ADGRV1: variants seen among roughly 807,000 people sequenced by gnomAD.
The protein encoded by ADGRV1 is G-protein coupled receptor 98.
In ADGRV1, 359 loss-of-function variants were observed where a neutral mutation model predicts 596.2. The ratio of observed to expected loss-of-function variants is 0.60; its 90% CI spans 0.55 to 0.66. The LOEUF is 0.66. ADGRV1 is among the 30% of genes least tolerant of loss of function. The pLI, the probability that ADGRV1 is intolerant of heterozygous loss-of-function variation, is 0.00. For missense variants in ADGRV1, 7,274 were observed against 7,575.6 expected (o/e 0.96, Z 1.48); for synonymous variants, 2,681 against 2,679.2 (o/e 1.00, Z -0.02).
rs1048954733 is a variant in ADGRV1, at chr5:90,695,708, T to C, written c.7945+1007T>C. Reference sequence around the variant, plus strand: ...GAAACACATAATAATCATTATGTTTTAGAGTAAATTTTAAAAATTGTATAA... The same window carrying C: ...GAAACACATAATAATCATTATGTTTCAGAGTAAATTTTAAAAATTGTATAA... On this transcript the variant is annotated intron_variant, in intron 33 of 89. Transcript: ENST00000405460. Among the ~76,000 whole-genome samples, 14 of 152,244 alleles carry C rather than the reference T, an allele frequency of 9.2e-5. No individual in the cohort carries two copies. In the South Asian group the frequency reaches 2.9e-3, roughly 32 times the overall value.
chr5:90,873,481 T>C (rs1768904520), intron 83 of ADGRV1, among the ~76,000 whole-genome samples: 1 of 152,166 alleles, frequency 6.6e-6, no homozygotes, highest in African/African-American at 2.4e-5. Context: ...ATTCCACAAC[T>C]CCAGAGTGCA....
chr5:90,647,536 A>G lies in ADGRV1; in HGVS notation c.3061A>G (p.Asn1021Asp), dbSNP rs1767964532. Residue 1021 changes from asparagine (N) to aspartate (D), a missense_variant, in exon 17 of 90, where the codon AAC becomes GAC. This residue lies in a region of ADGRV1 where 1,715 missense variants were observed against 1,708.8 expected (regional missense o/e 1.00). Coordinates refer to ENST00000405460, the MANE Select transcript of ADGRV1 (RefSeq NM_032119.4). ...GAGGGTTCAGGAAGGTGAGACTGCC[A>G]ACTTTACAGTTCTCAGAAATGGATC... ...VVRVQEGETANFTVLRNGSVD... is the reference protein window; with the variant it reads ...VVRVQEGETADFTVLRNGSVD... The G allele has an allele frequency of 2.5e-6, 4 of 1,613,716 alleles. No homozygotes were observed. The East Asian group carries it at 8.9e-5, about 36-fold the overall frequency.
At chr5:90,617,773 A>G (rs189161500) in intron 2 of ADGRV1, 31 bp from the exon 3 acceptor site, 7 of 1,559,098 alleles carry the variant, frequency 4.5e-6, no homozygotes, top group African/African-American at 1.4e-5. Context: ...ACTGTGTTAA[A>G]TAAGAATGAT....
intron 83 of ADGRV1, among the ~76,000 whole-genome samples, chr5:90,889,531 G>C (rs1175803075): frequency 6.6e-6 from 1 of 152,004 alleles, no homozygotes; most frequent in East Asian, 1.9e-4. Flanking sequence ...TTGATAGTCT[G>C]TTACAGTAAG....
chr5:90,659,499 C>G (rs930954550), intron 21 of ADGRV1, among the ~76,000 whole-genome samples: 1 of 152,090 alleles, frequency 6.6e-6, no homozygotes, highest in Non-Finnish European at 1.5e-5. Flanking sequence ...CAAATCATGC[C>G]TGGGTAAAAG....
chr5:90,766,166 C>T (rs1231003315), intron 59 of ADGRV1, among the ~76,000 whole-genome samples: 1 of 152,142 alleles, frequency 6.6e-6, no homozygotes, highest in Non-Finnish European at 1.5e-5. Context: ...GCCTTGGCCT[C>T]CCAAAGTGCT....
At chr5:91,044,798 T>C in intron 85 of ADGRV1, among the ~76,000 whole-genome samples, 1 of 152,214 alleles carries the variant, frequency 6.6e-6, no homozygotes, top group East Asian at 1.9e-4. Flanking sequence ...TATGTACCAG[T>C]ATGCTTAGCA....
intron 77 of ADGRV1, among the ~76,000 whole-genome samples, chr5:90,836,440 A>G (rs150621627): frequency 2.0e-5 from 3 of 152,142 alleles, no homozygotes; most frequent in Non-Finnish European, 4.4e-5. Flanking sequence ...TAATCTCCAT[A>G]TAATCATACT....
chr5:90,586,379 T>A (rs940101628), intron 1 of ADGRV1, among the ~76,000 whole-genome samples: 1 of 152,216 alleles, frequency 6.6e-6, no homozygotes, highest in African/African-American at 2.4e-5. Context: ...CTTGAAAATG[T>A]CTTTTTATAG....
At chr5:90,684,582 G>A (rs1342143273) in intron 28 of ADGRV1, among the ~76,000 whole-genome samples, 1 of 152,148 alleles carries the variant, frequency 6.6e-6, no homozygotes, top group Non-Finnish European at 1.5e-5. Context: ...AGGCTGGGAA[G>A]TGCCACGATT....
intron 84 of ADGRV1, among the ~76,000 whole-genome samples, chr5:90,973,121 G>C (rs1189429695): frequency 6.6e-6 from 1 of 152,050 alleles, no homozygotes; most frequent in Non-Finnish European, 1.5e-5. Context: ...ATAAATTCCT[G>C]GACACATACC....
rs1466865825 is a variant in ADGRV1, at chr5:91,024,902, C to T, written c.18152+39380C>T. Among the ~76,000 whole-genome samples, 9 of 152,224 alleles carry T rather than the reference C, an allele frequency of 5.9e-5. No homozygotes were observed. In the East Asian group the frequency reaches 9.7e-4, roughly 16 times the overall value. ...CTACCAAATGAAAAGCATCAAATTG[C>T]GCAGAATGGTGTTCATAGCCAGTGG... On this transcript the variant is annotated intron_variant, in intron 85 of 89. Coordinates refer to ENST00000405460, the MANE Select transcript of ADGRV1 (RefSeq NM_032119.4).
At chr5:91,120,266 A>G (rs2126740800) in intron 87 of ADGRV1, among the ~76,000 whole-genome samples, 1 of 152,360 alleles carries the variant, frequency 6.6e-6, no homozygotes, top group African/African-American at 2.4e-5. Flanking sequence ...AAGCAGATCC[A>G]GTGTCAGCCA....
intron 84 of ADGRV1, among the ~76,000 whole-genome samples, chr5:90,968,421 A>G (rs570927030): frequency 3.9e-5 from 6 of 152,352 alleles, no homozygotes; most frequent in African/African-American, 1.4e-4. Context: ...TATATTCTAC[A>G]TCTCTTCTTT....
intron 85 of ADGRV1, among the ~76,000 whole-genome samples, chr5:91,015,089 C>T (rs529197643): frequency 5.9e-5 from 9 of 152,104 alleles, no homozygotes; most frequent in Admixed American, 2.6e-4. Context: ...TCTTTGTTCT[C>T]GTTAGTTTTG....
intron 86 of ADGRV1, among the ~76,000 whole-genome samples, chr5:91,095,206 A>ATTTTT (rs561153977): frequency 6.8e-6 from 1 of 147,456 alleles, no homozygotes; most frequent in African/African-American, 2.5e-5. Flanking sequence ...CAAACCCAGT[A>ATTTTT]TTTTTTTTTT....
At chr5:91,028,390 CT>C (rs1784191151) in intron 85 of ADGRV1, among the ~76,000 whole-genome samples, 1 of 152,232 alleles carries the variant, frequency 6.6e-6, no homozygotes, top group Admixed American at 6.5e-5. Flanking sequence ...TCTTTCTTGA[CT>C]GATTGCTTAT....
At chr5:90,851,134 T>TGTGTGAGAGAGAGAGAGAGAGA (rs757909771) in intron 79 of ADGRV1, among the ~76,000 whole-genome samples, 1 of 81,508 alleles carries the variant, frequency 1.2e-5, no homozygotes, top group Admixed American at 1.9e-4. Context: ...TGTGTGTGTG[T>TGTGTGAGAGAGAGAGAGAGAGA]GAGAGAGAGA....
At chr5:90,739,668 G>A (rs1259756931) in intron 50 of ADGRV1, among the ~76,000 whole-genome samples, 3 of 152,308 alleles carry the variant, frequency 2.0e-5, no homozygotes, top group African/African-American at 4.8e-5. Flanking sequence ...TCTGATCAGT[G>A]TTGTAGATTG....
Sources: gnomAD v4.1 joint callset for allele counts (sites outside exome capture counted in the v4.1 genomes callset) on GRCh38, gnomAD v4.1.1 for gene constraint, gnomAD v4.1.1 regional missense constraint, MANE v1.5 for transcripts, NCBI Gene and HGNC (gene_info 2026-07-23, HGNC 2026-07-21) for gene names.